The following USP34 variants were observed in gnomAD, a reference collection of about 807,000 sequenced individuals.
USP34 encodes ubiquitin specific peptidase 34, also known as ubiquitin carboxyl-terminal hydrolase 34.
Under a neutral mutation model 460.3 loss-of-function variants are expected in USP34, and 70 were observed. That is an observed-to-expected ratio of 0.15 (90% CI 0.13 to 0.19). The LOEUF is 0.19. USP34 is among the 10% of genes least tolerant of loss of function. The probability of loss-of-function intolerance (pLI) is 1.00; values close to 1 mark genes in which losing one functional copy is unlikely to be tolerated. For synonymous variants in USP34, 1,647 were observed against 1,405.3 expected, an observed-to-expected ratio of 1.17 and a Z score of -3.85; for missense variants, 3,985 against 4,236.2, an observed-to-expected ratio of 0.94 and a Z score of 1.65.
At chr2:61,282,445 A>G (rs757034388) in intron 37 of USP34, among the ~76,000 whole-genome samples, 11 of 152,178 alleles carry the variant, frequency 7.2e-5, no homozygotes, top group Non-Finnish European at 1.0e-4. Flanking sequence ...GAAGCAAAAT[A>G]TATTTCTTTT....
intron 10 of USP34, among the ~76,000 whole-genome samples, chr2:61,354,592 G>T (rs1478560229): frequency 1.3e-5 from 2 of 152,186 alleles, no homozygotes; most frequent in Non-Finnish European, 2.9e-5. Flanking sequence ...GCTGCTCAAT[G>T]ACCTGGTTAG....
chr2:61,393,485 T>C (rs1333397309), intron 5 of USP34, among the ~76,000 whole-genome samples: 1 of 151,760 alleles, frequency 6.6e-6, no homozygotes, highest in Admixed American at 6.6e-5. Flanking sequence ...TACTACTATA[T>C]GTAATAATTT....
At chr2:61,411,241 G>T (rs1323169226) in intron 2 of USP34, among the ~76,000 whole-genome samples, 2 of 151,914 alleles carry the variant, frequency 1.3e-5, no homozygotes, top group East Asian at 3.9e-4. Context: ...AGTTAGGCAG[G>T]CAAGGTGCCA....
chr2:61,324,255 T>A (rs188235698), intron 21 of USP34, among the ~76,000 whole-genome samples: 1 of 152,202 alleles, frequency 6.6e-6, no homozygotes, highest in South Asian at 2.1e-4. Context: ...CCACATGGAT[T>A]TGGATATGGT....
intron 49 of USP34, 78 bp downstream of exon 49, chr2:61,248,433 G>T: frequency 7.0e-7 from 1 of 1,424,512 alleles, no homozygotes; most frequent in South Asian, 1.5e-5. Context: ...TGTAGTTGAT[G>T]ACAACTTTAT....
intron 19 of USP34, among the ~76,000 whole-genome samples, chr2:61,332,945 A>G (rs1405490): frequency 0.74 from 112,323 of 151,872 alleles, 42,124 homozygotes; most frequent in African/African-American, 0.86. Context: ...TCCAAGAACT[A>G]TAAAAGTGAT....
At chr2:61,198,847 C>T (rs374956361) in intron 75 of USP34, among the ~76,000 whole-genome samples, 9 of 152,228 alleles carry the variant, frequency 5.9e-5, no homozygotes, top group East Asian at 1.9e-4. Flanking sequence ...CCAGCCTGGG[C>T]GACAGGGTGA....
At chr2:61,470,460 G>A (rs1189772142) in intron 1 of USP34, among the ~76,000 whole-genome samples, 190 bp downstream of exon 1, 6 of 149,596 alleles carry the variant, frequency 4.0e-5, no homozygotes, top group South Asian at 4.2e-4. Flanking sequence ...GGGCGCCCAG[G>A]TAACCCGGCC....
chr2:61,369,824 G>T (rs1374491672), intron 10 of USP34, among the ~76,000 whole-genome samples: 3 of 150,884 alleles, frequency 2.0e-5, no homozygotes, highest in Non-Finnish European at 4.4e-5. Context: ...AAAGAAAGAG[G>T]AAGAAAAATG....
intron 10 of USP34, among the ~76,000 whole-genome samples, chr2:61,362,856 T>G (rs1459794255): frequency 6.6e-6 from 1 of 152,244 alleles, no homozygotes; most frequent in African/African-American, 2.4e-5. Flanking sequence ...GTTGTACACC[T>G]TAAATACATA....
chr2:61,306,366 G>T (rs577446314), intron 27 of USP34, among the ~76,000 whole-genome samples: 1 of 152,298 alleles, frequency 6.6e-6, no homozygotes, highest in South Asian at 2.1e-4. Context: ...GTTTGTCAAA[G>T]AACAGATGGT....
chr2:61,416,871 C>A (rs1163169463), intron 2 of USP34: 3 of 709,114 alleles, frequency 4.2e-6, no homozygotes, highest in Admixed American at 2.3e-5. Context: ...GGGGGCAGCA[C>A]AGTGGAAGCC....
At chr2:61,427,708 T>C (rs190154070) in intron 1 of USP34, among the ~76,000 whole-genome samples, 1 of 152,344 alleles carries the variant, frequency 6.6e-6, no homozygotes, top group East Asian at 1.9e-4. Flanking sequence ...AAGAATGTAT[T>C]AGTCTTTTGC....
At chr2:61,245,026 C>A (rs1424485448) in intron 51 of USP34, among the ~76,000 whole-genome samples, 184 bp downstream of exon 51, 5 of 151,452 alleles carry the variant, frequency 3.3e-5, no homozygotes, top group African/African-American at 4.8e-5. Flanking sequence ...TTGTGGAAAG[C>A]AGAAATAGCA....
At chr2:61,277,818 T>C in intron 41 of USP34, 1 of 185,888 alleles carries the variant, frequency 5.4e-6, no homozygotes, top group Non-Finnish European at 1.1e-5. Context: ...GACTGAATCA[T>C]GGCGGCGGTT....
At position 61,280,253 on chromosome 2, in the gene USP34, G is replaced by A. The variant is rs1326703524; in HGVS notation, c.5247C>T (p.Asp1749=). Residue 1749 remains aspartate, a synonymous_variant, in exon 39 of 80, where the codon GAC becomes GAT. Transcript: ENST00000398571. Reference sequence around the variant, plus strand: ...AATTTTCTGAACATACCTGACTAGCGTCCTTTATATGTATGTTGTCAACTA... The same window carrying A: ...AATTTTCTGAACATACCTGACTAGCATCCTTTATATGTATGTTGTCAACTA... ...CKLVDNIHIK[D]ASQTTLLDLD... 6.5e-6 allele frequency: 10 copies of A among 1,536,566 alleles called. No homozygotes were observed. Among genetic ancestry groups the A allele is most frequent in the East Asian group, 2.4e-5 (1 of 41,214 alleles).
chr2:61,417,248 G>A lies in USP34; in HGVS notation c.131+3498C>T, dbSNP rs992592384. ...ACACGAACATACATCTGAAAGGCCT[G>A]TCTCCAAGGTCCCTTAGAGCAACCT... On this transcript the variant is annotated intron_variant, in intron 2 of 79. Coordinates refer to ENST00000398571, the MANE Select transcript of USP34 (RefSeq NM_014709.4). 6 of 1,296,064 alleles carry A rather than the reference G, an allele frequency of 4.6e-6. No individual in the cohort carries two copies. In the African/African-American group the frequency reaches 7.3e-5, roughly 16 times the overall value. The allele number at this position is 1,296,064 out of a possible 1,614,324, so 80.3% of individuals were successfully genotyped here. A position where few individuals can be genotyped will look rare whatever the true frequency, so the allele number is the denominator to read the frequency against.
At chr2:61,283,578 TGAGA>T in intron 35 of USP34, 129 bp from the exon 36 acceptor site, 1 of 151,754 alleles carries the variant, frequency 6.6e-6, no homozygotes, top group South Asian at 2.9e-4. Context: ...GGTGTGTGAG[TGAGA>T]GTGAGAGTGA....
Position 61,283,877 on chromosome 2 carries a change from A to G in USP34, c.4833-428T>C, listed in dbSNP as rs183039012. The stretch of plus-strand genomic sequence containing the variant: ...TTAAAGACTCACTGAAGAAGAGTCA[A>G]ACTCATTGAAGAAGAGAGTAGAATA... On this transcript the variant is annotated intron_variant, in intron 35 of 79. Transcript: ENST00000398571. 2.7e-3 allele frequency among the ~76,000 whole-genome samples: 410 copies of G among 151,988 alleles called. 1 individual carries two copies. The highest frequency in any genetic ancestry group is 9.2e-3 in the African/African-American group (382 of 41,440).
Sources: allele counts gnomAD v4.1 joint callset (sites outside exome capture counted in the v4.1 genomes callset), GRCh38; gene constraint gnomAD v4.1.1; transcripts MANE v1.5; gene names NCBI Gene and HGNC (gene_info 2026-07-23, HGNC 2026-07-21).